Variants in PTPRF observed in about 807,000 individuals in gnomAD.
PTPRF encodes the protein receptor-type tyrosine-protein phosphatase F.
Under a neutral mutation model 201.8 loss-of-function variants are expected in PTPRF, and 59 were observed. The ratio of observed to expected loss-of-function variants is 0.29; its 90% CI spans 0.24 to 0.36. The LOEUF is 0.36. Ranked by LOEUF, PTPRF falls within the 10% of genes least tolerant of loss-of-function variation. The pLI is 1.00. For missense variants in PTPRF, 2,132 were observed against 2,690.5 expected (o/e 0.79, Z 4.59); for synonymous variants, 1,088 against 1,089.7 (o/e 1.00, Z 0.03).
chr1:43,533,257 G>A (rs1167539729), intron 1 of PTPRF, among the ~76,000 whole-genome samples: 3 of 152,190 alleles, frequency 2.0e-5, no homozygotes, highest in Non-Finnish European at 2.9e-5. Context: ...TGCCCTGGGC[G>A]GGTTGGCTTG....
At chr1:43,522,169 T>C (rs1642973776), upstream of PTPRF, among the ~76,000 whole-genome samples, 1 of 152,198 alleles carries the variant, frequency 6.6e-6, no homozygotes, top group Non-Finnish European at 1.5e-5. Flanking sequence ...CCTTGCTTAA[T>C]AAATCACTTC....
rs555507898 is a variant in PTPRF at position 43,589,616 on chromosome 1, G to T, written c.949+616G>T. Among the ~76,000 whole-genome samples, 332 of 151,720 alleles carry T rather than the reference G, an allele frequency of 2.2e-3. 3 individuals are homozygous for T. Among genetic ancestry groups the T allele is most frequent in the African/African-American group, 7.1e-3 (295 of 41,310 alleles). ...TCATTCCTGTAAGCCTAGCGCTTTG[G>T]GAGGCCAAGTTGGAAGGATTGCTTG... is the stretch of plus-strand genomic sequence containing the variant. On this transcript the variant is annotated intron_variant, in intron 8 of 33. Coordinates refer to ENST00000359947, the MANE Select transcript of PTPRF (RefSeq NM_002840.5).
intron 8 of PTPRF, among the ~76,000 whole-genome samples, chr1:43,589,878 A>AC (rs1160805848): frequency 6.6e-6 from 1 of 151,856 alleles, no homozygotes; most frequent in Non-Finnish European, 1.5e-5. Context: ...AAAAAAAAAA[A>AC]AACCAGATTC....
intron 2 of PTPRF, among the ~76,000 whole-genome samples, chr1:43,538,899 A>G (rs1644192811): frequency 6.6e-6 from 1 of 152,186 alleles, no homozygotes; most frequent in African/African-American, 2.4e-5. Flanking sequence ...TAGAGTCAGC[A>G]TCATGGGCCT....
chr1:43,545,753 G>T (rs1251539231), intron 3 of PTPRF, among the ~76,000 whole-genome samples: 1 of 152,148 alleles, frequency 6.6e-6, no homozygotes, highest in Non-Finnish European at 1.5e-5. Flanking sequence ...ACCTGGAAAT[G>T]GGGGGAAGAT....
rs1659355020 is a variant in PTPRF, at chr1:43,622,096, A to G, written c.*93A>G. ...ATACCGACCATCGTCCAGCCCTCCT[A>G]CGCAGATGCTGTCACTGGCAGAGCA... On this transcript the variant is annotated 3_prime_UTR_variant, in exon 34 of 34. Transcript: ENST00000359947. 3 of 1,347,522 alleles carry G rather than the reference A, an allele frequency of 2.2e-6. No homozygotes were observed. The highest frequency in any genetic ancestry group is 2.3e-5 in the East Asian group (1 of 43,418). The allele number at this position is 1,347,522 out of a possible 1,614,324, so 83.5% of individuals were successfully genotyped here. A position where few individuals can be genotyped will look rare whatever the true frequency, so the allele number is the denominator to read the frequency against.
chr1:43,566,286 T>G (rs1646181499), intron 5 of PTPRF, among the ~76,000 whole-genome samples: 1 of 152,230 alleles, frequency 6.6e-6, no homozygotes, highest in African/African-American at 2.4e-5. Flanking sequence ...TAGATCTCTC[T>G]CAGCCCCTGG....
chr1:43,578,534 G>T (rs1421481021), intron 6 of PTPRF, among the ~76,000 whole-genome samples: 3 of 152,208 alleles, frequency 2.0e-5, no homozygotes, highest in Non-Finnish European at 4.4e-5. Flanking sequence ...ATGGAGCTGG[G>T]GGTTGGGGTA....
chr1:43,592,653 A>C, intron 11 of PTPRF, 52 bp downstream of exon 11: 1 of 1,485,908 alleles, frequency 6.7e-7, no homozygotes, highest in Non-Finnish European at 9.0e-7. Context: ...GGACACACAC[A>C]CACACATGCA....
intron 1 of PTPRF, among the ~76,000 whole-genome samples, chr1:43,535,013 T>C (rs960478581): frequency 6.6e-6 from 1 of 152,206 alleles, no homozygotes; most frequent in Non-Finnish European, 1.5e-5. Flanking sequence ...TACTGTTGTC[T>C]GTGTTTGCAG....
At chr1:43,568,575 A>T (rs1320657952) in intron 5 of PTPRF, among the ~76,000 whole-genome samples, 1 of 152,222 alleles carries the variant, frequency 6.6e-6, no homozygotes, top group African/African-American at 2.4e-5. Context: ...GAGACAAAGA[A>T]TGAGTAACAT....
intron 5 of PTPRF, among the ~76,000 whole-genome samples, chr1:43,567,033 ACTTCC>A (rs908530550): frequency 7.2e-5 from 11 of 152,180 alleles, no homozygotes; most frequent in South Asian, 2.1e-4. Context: ...ACACATTTGT[ACTTCC>A]CTTCCCTTCC....
intron 2 of PTPRF, among the ~76,000 whole-genome samples, chr1:43,544,790 T>C (rs1644558175): frequency 6.6e-6 from 1 of 152,044 alleles, no homozygotes; most frequent in African/African-American, 2.4e-5. Context: ...TCCTGCGCTC[T>C]TTCTCCCTCC....
At chr1:43,574,286 G>A (rs950021639) in intron 6 of PTPRF, among the ~76,000 whole-genome samples, 2 of 151,956 alleles carry the variant, frequency 1.3e-5, no homozygotes, top group Admixed American at 6.6e-5. Context: ...GTGAGCCACC[G>A]TGCCCAGCCA....
chr1:43,620,796 A>G (rs758193092), intron 31 of PTPRF, 42 bp from the exon 32 acceptor site: 2 of 1,586,802 alleles, frequency 1.3e-6, no homozygotes, highest in South Asian at 2.3e-5. Context: ...GTGGCTGCCT[A>G]AGGCACGAAT....
At chr1:43,592,228 C>T (rs1310659406) in intron 10 of PTPRF, among the ~76,000 whole-genome samples, 1 of 152,120 alleles carries the variant, frequency 6.6e-6, no homozygotes, top group Non-Finnish European at 1.5e-5. Flanking sequence ...TGAAGTTTCC[C>T]CAGAAGCCAT....
intron 6 of PTPRF, chr1:43,575,785 A>G (rs566248346): frequency 2.7e-5 from 22 of 800,532 alleles, no homozygotes; most frequent in Non-Finnish European, 3.9e-5. Context: ...TCAGGCCTCA[A>G]TTTCTCCATG....
chr1:43,540,327 G>A (rs1644282343), intron 2 of PTPRF, among the ~76,000 whole-genome samples: 1 of 152,148 alleles, frequency 6.6e-6, no homozygotes, highest in Admixed American at 6.5e-5. Context: ...CTGGAAAATT[G>A]GGGAGGGTCA....
intron 6 of PTPRF, among the ~76,000 whole-genome samples, chr1:43,573,176 G>T (rs1312502731): frequency 6.6e-6 from 1 of 152,116 alleles, no homozygotes; most frequent in Non-Finnish European, 1.5e-5. Context: ...CTTGAGACCG[G>T]GGTAGGCCCA....
Sources: allele counts gnomAD v4.1 joint callset (sites outside exome capture counted in the v4.1 genomes callset), GRCh38; gene constraint gnomAD v4.1.1; transcripts MANE v1.5; gene names NCBI Gene and HGNC (gene_info 2026-07-23, HGNC 2026-07-21).